Variants in TOR1AIP1 observed in about 807,000 individuals in gnomAD.
The protein encoded by TOR1AIP1 is torsin-1A-interacting protein 1.
TOR1AIP1 carries 54 observed loss-of-function variants against 63.3 expected under a neutral mutation model. The ratio of observed to expected loss-of-function variants is 0.85; its 90% CI spans 0.69 to 1.07. The LOEUF is 1.07. Among genes scored for constraint, TOR1AIP1 ranks in the 50% least tolerant of loss-of-function variants. The probability of loss-of-function intolerance (pLI) is 0.00; values close to 1 mark genes in which losing one functional copy is unlikely to be tolerated. For missense variants in TOR1AIP1, 736 were observed against 715.0 expected, an observed-to-expected ratio of 1.03 and a Z score of -0.33; for synonymous variants, 294 against 273.5, an observed-to-expected ratio of 1.07 and a Z score of -0.74.
At chr1:179,883,905 A>G in intron 1 of TOR1AIP1, 1 of 300,144 alleles carries the variant, frequency 3.3e-6, no homozygotes, top group Non-Finnish European at 6.7e-6. Flanking sequence ...TGTGAGGTAA[A>G]AATCAGCGGA....
At position 179,882,980 on chromosome 1, in the gene TOR1AIP1, G is replaced by T. The variant is rs1008895268; in HGVS notation, c.475+3G>T. The T allele has an allele frequency of 6.2e-7, 1 of 1,604,322 alleles. No individual in the cohort carries two copies. ...GCGGGACTCTCATTCCTCTGAAGGT[G>T]AGGACCGCGGAGGTAACAGTCCCAG... On this transcript the variant is annotated splice_donor_region_variant and intron_variant, in intron 1 of 9. Transcript: ENST00000606911.
chr1:179,886,377 A>G (rs1647907888), intron 2 of TOR1AIP1, among the ~76,000 whole-genome samples: 1 of 152,180 alleles, frequency 6.6e-6, no homozygotes, highest in Non-Finnish European at 1.5e-5. Flanking sequence ...AAGAACTGCT[A>G]ATGAGGTACA....
Position 179,918,213 on chromosome 1 carries a change from GC to G in TOR1AIP1, c.1729del (p.Leu577Ter). On this transcript the variant is annotated frameshift_variant, in exon 10 of 10. Transcript: ENST00000606911. LOFTEE classifies it high-confidence loss of function. ...AGTTCTGCCTGTGCAACCTGAAAAT[GC>G]CCTGAAAAGGGGCATCTGCTTATAA... ...HLVLPVQPEN[A>X]LKRGICL 6.2e-7 allele frequency: 1 copy of G among 1,603,496 alleles called. No homozygotes were observed. The highest frequency in any genetic ancestry group is 1.1e-5 in the South Asian group (1 of 90,072).
intron 8 of TOR1AIP1, chr1:179,913,630 GGTATAATAT>G (rs777908433): frequency 1.4e-6 from 1 of 701,946 alleles, no homozygotes; most frequent in Non-Finnish European, 2.6e-6. Context: ...TTTTTCAGAT[GGTATAATAT>G]GTTTCATTTT....
intron 3 of TOR1AIP1, among the ~76,000 whole-genome samples, chr1:179,898,231 C>A (rs1648343800): frequency 1.3e-5 from 2 of 152,144 alleles, no homozygotes; most frequent in South Asian, 4.1e-4. Context: ...TTAAATTAGA[C>A]CTATACCCTT....
At chr1:179,902,174 C>T (rs906798747) in intron 5 of TOR1AIP1, among the ~76,000 whole-genome samples, 1 of 150,328 alleles carries the variant, frequency 6.7e-6, no homozygotes, top group Non-Finnish European at 1.5e-5. Context: ...TACAGGTGCG[C>T]ACCACCACAT....
intron 6 of TOR1AIP1, 125 bp downstream of exon 6, chr1:179,904,147 A>G: frequency 1.5e-6 from 1 of 686,020 alleles, no homozygotes; most frequent in Non-Finnish European, 2.3e-6. Flanking sequence ...TGCTAAAAAA[A>G]AACTTATCCG....
chr1:179,883,991 C>T, intron 1 of TOR1AIP1: 1 of 193,706 alleles, frequency 5.2e-6, no homozygotes, highest in Non-Finnish European at 1.1e-5. Flanking sequence ...GCTTAGAGCA[C>T]GGTGATAGGC....
In TOR1AIP1 at chr1:179,883,171, C is replaced by G. The variant is rs535842771; in HGVS notation, c.475+194C>G. Reference sequence around the variant, plus strand: ...CCGCAGCGGGGAAGGAAGCGCCGACCGGAGGAGTGGAAAGATGGTCGTGTG... The same window carrying G: ...CCGCAGCGGGGAAGGAAGCGCCGACGGGAGGAGTGGAAAGATGGTCGTGTG... On this transcript the variant is annotated intron_variant, in intron 1 of 9. Coordinates refer to ENST00000606911, the MANE Select transcript of TOR1AIP1 (RefSeq NM_015602.4). 4.0e-4 allele frequency: 244 copies of G among 617,258 alleles called. No homozygotes were observed. In the African/African-American group the frequency reaches 4.3e-3, roughly 11 times the overall value. 38.2% of individuals were successfully genotyped at this position (617,258 alleles called of 1,614,324 possible).
rs1257058370 is a variant in TOR1AIP1, at chr1:179,918,436, T to C, written c.*197T>C. Reference sequence around the variant, plus strand: ...TATGAGAGAATCATTTCAGTTTCCATTGAGAGCTCTGTTAAAGGTATCTTA... The same window carrying C: ...TATGAGAGAATCATTTCAGTTTCCACTGAGAGCTCTGTTAAAGGTATCTTA... On this transcript the variant is annotated 3_prime_UTR_variant, in exon 10 of 10. Transcript: ENST00000606911. 6.8e-6 allele frequency: 4 copies of C among 590,820 alleles called. No homozygotes were observed. The highest frequency in any genetic ancestry group is 6.7e-5 in the Admixed American group (2 of 29,700). The allele number at this position is 590,820 out of a possible 1,614,324, so 36.6% of individuals were successfully genotyped here.
In TOR1AIP1 at chr1:179,908,627, C is replaced by G. The variant is rs1267795802; in HGVS notation, c.861C>G (p.Pro287=). Reference sequence around the variant, plus strand: ...CAGGCTCAGGATATCAAAAAACTCCCCAGGAATGGGCCCCACAAACTGCAA... The same window carrying G: ...CAGGCTCAGGATATCAAAAAACTCCGCAGGAATGGGCCCCACAAACTGCAA... ...SVLSSGYQKT[P]QEWAPQTARI... Residue 287 remains proline, a synonymous_variant, in exon 8 of 10, where the codon CCC becomes CCG. Coordinates refer to ENST00000606911, the MANE Select transcript of TOR1AIP1 (RefSeq NM_015602.4). 6.2e-7 allele frequency: 1 copy of G among 1,613,370 alleles called. No homozygotes were observed. The highest frequency in any genetic ancestry group is 8.5e-7 in the Non-Finnish European group (1 of 1,179,542).
At chr1:179,897,379 G>A (rs1648321184) in intron 3 of TOR1AIP1, among the ~76,000 whole-genome samples, 1 of 152,176 alleles carries the variant, frequency 6.6e-6, no homozygotes, top group Non-Finnish European at 1.5e-5. Context: ...AGGCAACTTG[G>A]TATATGGAGA....
At chr1:179,890,054 T>C (rs1489814649) in intron 3 of TOR1AIP1, among the ~76,000 whole-genome samples, 1 of 152,234 alleles carries the variant, frequency 6.6e-6, no homozygotes, top group Non-Finnish European at 1.5e-5. Context: ...GTTTCTTATA[T>C]ATTCCTGTGA....
chr1:179,887,393 C>T (rs1260546617), intron 2 of TOR1AIP1, among the ~76,000 whole-genome samples: 4 of 150,790 alleles, frequency 2.7e-5, no homozygotes, highest in African/African-American at 7.3e-5. Flanking sequence ...AGCCAGAGTC[C>T]GTCTAAAAAA....
At chr1:179,912,002 C>CTTTTTTTTTTTTTTTTTTTTTTTTT (rs1558046486) in intron 8 of TOR1AIP1, among the ~76,000 whole-genome samples, 1 of 127,988 alleles carries the variant, frequency 7.8e-6, no homozygotes, top group Non-Finnish European at 1.7e-5. Flanking sequence ...TTTCTTTTTT[C>CTTTTTTTTTTTTTTTTTTTTTTTTT]TTTTTTTTCT....
In TOR1AIP1 at chr1:179,882,820, T is replaced by C; in HGVS notation, c.318T>C (p.Leu106=). 1 of 1,614,112 alleles carries C rather than the reference T, an allele frequency of 6.2e-7. No homozygotes were observed. ...AAGTGAGAGAAAGCGCGTACTACCT[T>C]CGGTCTAGGCAGCGGAGGCAGCCGC... ...KEEVRESAYY[L]RSRQRRQPRP... The change falls in exon 1 of 10, where the codon CTT becomes CTC. Residue 106 remains leucine (L), a synonymous_variant. Coordinates refer to ENST00000606911, the MANE Select transcript of TOR1AIP1 (RefSeq NM_015602.4).
chr1:179,917,001 T>C lies in TOR1AIP1; in HGVS notation c.965-451T>C, dbSNP rs549735937. Among the ~76,000 whole-genome samples the C allele has an allele frequency of 2.0e-5, 3 of 152,292 alleles. No individual in the cohort carries two copies. The South Asian group carries it at 6.2e-4, about 32-fold the overall frequency. On this transcript the variant is annotated intron_variant, in intron 9 of 9. Transcript: ENST00000606911. ...CACTTCCAGCCTGCATCCTTTTCTT[T>C]ATCCCTTTATGTACTTCAGAAATAT...
intron 3 of TOR1AIP1, among the ~76,000 whole-genome samples, chr1:179,897,146 A>G (rs1041517022): frequency 2.0e-5 from 3 of 152,346 alleles, no homozygotes; most frequent in Middle Eastern, 3.4e-3. Flanking sequence ...ATAGAATTCT[A>G]AAAAAGGATC....
At chr1:179,900,705 A>G (rs1345137598) in intron 4 of TOR1AIP1, 1 of 152,314 alleles carries the variant, frequency 6.6e-6, no homozygotes, top group East Asian at 1.9e-4. Flanking sequence ...CTTACATTTT[A>G]AGCATCTTTT....
Sources: allele counts gnomAD v4.1 joint callset (sites outside exome capture counted in the v4.1 genomes callset), GRCh38; gene constraint gnomAD v4.1.1; transcripts MANE v1.5; gene names NCBI Gene and HGNC (gene_info 2026-07-23, HGNC 2026-07-21).